The following WWC1 variants were observed in gnomAD, a reference collection of about 807,000 sequenced individuals.
The protein encoded by WWC1 is protein KIBRA.
Under a neutral mutation model 138.4 loss-of-function variants are expected in WWC1, and 55 were observed. The ratio of observed to expected loss-of-function variants is 0.40; its 90% confidence interval spans 0.32 to 0.50. The LOEUF is 0.50. Among genes scored for constraint, WWC1 ranks in the 20% least tolerant of loss-of-function variants. The pLI, the probability that WWC1 is intolerant of heterozygous loss-of-function variation, is 0.72. For missense variants in WWC1, 1,226 were observed against 1,420.4 expected (o/e 0.86, Z 2.20); for synonymous variants, 524 against 564.9 (o/e 0.93, Z 1.03).
chr5:168,393,859 G>A (rs1163333416), intron 3 of WWC1, among the ~76,000 whole-genome samples: 1 of 152,172 alleles, frequency 6.6e-6, no homozygotes, highest in East Asian at 1.9e-4. Flanking sequence ...TAGATAACCA[G>A]CAGAATGTGA....
chr5:168,421,160 C>T (rs147748424), intron 9 of WWC1, among the ~76,000 whole-genome samples: 43 of 152,296 alleles, frequency 2.8e-4, no homozygotes, highest in Non-Finnish European at 5.4e-4. Context: ...CCATCTGTGA[C>T]GCCTCCCCTT....
At chr5:168,411,861 A>G (rs1780255514) in intron 8 of WWC1, 1 of 533,172 alleles carries the variant, frequency 1.9e-6, no homozygotes, top group African/African-American at 2.1e-5. Context: ...AGTGCTGGGA[A>G]AAGTCAGCTG....
At position 168,381,843 on chromosome 5, in the gene WWC1, GA is replaced by G. The variant is rs751379785; in HGVS notation, c.230-3356del. 2.9e-3 allele frequency among the ~76,000 whole-genome samples: 356 copies of G among 123,480 alleles called. 1 individual carries two copies. The highest frequency in any genetic ancestry group is 7.3e-3 in the African/African-American group (249 of 33,898). The allele number at this position is 123,480 out of a possible 152,430, so 81.0% of individuals were successfully genotyped here. A position where few individuals can be genotyped will look rare whatever the true frequency, so the allele number is the denominator to read the frequency against. ...TGGATGAGGCACTGACTTTTAAAAAGAAAAAAAAAAAAGCAATTTCACTGAG... is the reference window on the plus strand; with the variant it reads ...TGGATGAGGCACTGACTTTTAAAAAGAAAAAAAAAAAGCAATTTCACTGAG... On this transcript the variant is annotated intron_variant, in intron 2 of 22. Transcript: ENST00000265293.
chr5:168,360,102 C>A (rs943242973), intron 1 of WWC1, among the ~76,000 whole-genome samples: 6 of 152,064 alleles, frequency 3.9e-5, no homozygotes, highest in Middle Eastern at 3.2e-3. Context: ...GATTTTTATC[C>A]CAAGCCTGTA....
intron 3 of WWC1, among the ~76,000 whole-genome samples, chr5:168,386,171 G>A (rs1037196130): frequency 6.6e-6 from 1 of 152,024 alleles, no homozygotes; most frequent in Non-Finnish European, 1.5e-5. Flanking sequence ...AGGCCTGCTC[G>A]GACAACTCTA....
At chr5:168,330,612 T>C (rs1370301800) in intron 1 of WWC1, among the ~76,000 whole-genome samples, 1 of 152,082 alleles carries the variant, frequency 6.6e-6, no homozygotes, top group Non-Finnish European at 1.5e-5. Flanking sequence ...CTGGGGCAAA[T>C]ACAGCTAAGA....
chr5:168,420,197 G>A (rs1319068795), intron 9 of WWC1, among the ~76,000 whole-genome samples: 3 of 152,280 alleles, frequency 2.0e-5, no homozygotes, highest in South Asian at 4.1e-4. Flanking sequence ...GACTGACTGG[G>A]TGACTTAAAC....
chr5:168,444,735 G>A (rs1232027802), intron 17 of WWC1, 150 bp downstream of exon 17: 1 of 769,928 alleles, frequency 1.3e-6, no homozygotes, highest in African/African-American at 1.7e-5. Flanking sequence ...AGGCAAAAAG[G>A]CAATGTAACC....
At chr5:168,439,469 A>C (rs886178465) in intron 15 of WWC1, among the ~76,000 whole-genome samples, 2 of 79,120 alleles carry the variant, frequency 2.5e-5, no homozygotes, top group African/African-American at 1.9e-4. Flanking sequence ...TACTAAAAAT[A>C]CAAAAAAAAA....
chr5:168,418,022 T>C (rs1780786593), intron 9 of WWC1, among the ~76,000 whole-genome samples: 1 of 152,206 alleles, frequency 6.6e-6, no homozygotes, highest in African/African-American at 2.4e-5. Flanking sequence ...CATGTGTGTG[T>C]ATCTTTATTT....
At chr5:168,454,622 C>T (rs1225968164) in intron 18 of WWC1, among the ~76,000 whole-genome samples, 2 of 152,202 alleles carry the variant, frequency 1.3e-5, no homozygotes, top group South Asian at 2.1e-4. Flanking sequence ...CTCCAGGACT[C>T]CTAGAGCTAG....
At chr5:168,445,224 A>G (rs771717505) in intron 17 of WWC1, among the ~76,000 whole-genome samples, 2 of 151,672 alleles carry the variant, frequency 1.3e-5, no homozygotes, top group Non-Finnish European at 2.9e-5. Flanking sequence ...TGAGGCAGGA[A>G]AATCACTTGA....
intron 13 of WWC1, among the ~76,000 whole-genome samples, chr5:168,429,236 T>TG (rs1781747275): frequency 1.3e-5 from 2 of 149,854 alleles, no homozygotes; most frequent in South Asian, 4.3e-4. Context: ...TTTCTTTTGT[T>TG]GGGGGATGAT....
chr5:168,307,617 TA>T (rs1319328392), intron 1 of WWC1, among the ~76,000 whole-genome samples: 32 of 99,420 alleles, frequency 3.2e-4, no homozygotes, highest in Non-Finnish European at 5.1e-4. Context: ...TTTTTTTTTT[TA>T]AATTGAGACA....
intron 19 of WWC1, among the ~76,000 whole-genome samples, chr5:168,459,145 T>G (rs1229872966): frequency 1.3e-5 from 2 of 151,416 alleles, no homozygotes; most frequent in East Asian, 3.9e-4. Flanking sequence ...TCCCAGCTAC[T>G]TGAGAGGCTG....
chr5:168,317,023 A>T (rs899366863), intron 1 of WWC1, among the ~76,000 whole-genome samples: 1 of 152,166 alleles, frequency 6.6e-6, no homozygotes, highest in Non-Finnish European at 1.5e-5. Context: ...GATGCTGTGG[A>T]AACCTCACCC....
intron 1 of WWC1, among the ~76,000 whole-genome samples, chr5:168,362,646 C>T (rs893898314): frequency 3.9e-5 from 6 of 152,228 alleles, no homozygotes; most frequent in African/African-American, 1.4e-4. Flanking sequence ...TGATTTGGTT[C>T]TCAGAACTGA....
At chr5:168,334,169 A>C (rs1029295492) in intron 1 of WWC1, among the ~76,000 whole-genome samples, 2 of 150,816 alleles carry the variant, frequency 1.3e-5, no homozygotes, top group African/African-American at 4.9e-5. Context: ...GCTTGCAGTG[A>C]GCTATGATGA....
At chr5:168,352,024 G>A (rs1775006882) in intron 1 of WWC1, among the ~76,000 whole-genome samples, 1 of 152,186 alleles carries the variant, frequency 6.6e-6, no homozygotes, top group South Asian at 2.1e-4. Context: ...TTTGCTAGCT[G>A]TAGGACCTGC....
Sources: allele counts gnomAD v4.1 joint callset (sites outside exome capture counted in the v4.1 genomes callset), GRCh38; gene constraint gnomAD v4.1.1; transcripts MANE v1.5; gene names NCBI Gene and HGNC (gene_info 2026-07-23, HGNC 2026-07-21).